Variants in MGAT4A observed in about 807,000 individuals in gnomAD.
The protein encoded by MGAT4A is N-acetylglucosaminyltransferase IVa.
A neutral mutation model predicts 74.1 loss-of-function variants in MGAT4A; 33 were observed. The ratio of observed to expected loss-of-function variants is 0.45; its 90% CI spans 0.34 to 0.60. MGAT4A has a LOEUF of 0.60. Ranked by LOEUF, MGAT4A falls within the 20% of genes least tolerant of loss-of-function variation. The pLI, the probability that MGAT4A is intolerant of heterozygous loss-of-function variation, is 0.02. For missense variants in MGAT4A, 479 were observed against 628.3 expected (o/e 0.76, Z 2.54); for synonymous variants, 198 against 210.4 (o/e 0.94, Z 0.51).
intron 4 of MGAT4A, among the ~76,000 whole-genome samples, chr2:98,670,402 C>T (rs533919477): frequency 6.6e-6 from 1 of 152,234 alleles, no homozygotes; most frequent in East Asian, 1.9e-4. Flanking sequence ...AGGCCCCTAC[C>T]TCATGGTATT....
Position 98,638,507 on chromosome 2 carries a change from T to C in MGAT4A, c.1322+1301A>G, listed in dbSNP as rs1701356781. Among the ~76,000 whole-genome samples the C allele has an allele frequency of 2.6e-5, 4 of 152,396 alleles. No individual in the cohort carries two copies. In the South Asian group the frequency reaches 8.3e-4, roughly 32 times the overall value. On this transcript the variant is annotated intron_variant, in intron 12 of 15. Coordinates refer to ENST00000393487, the MANE Select transcript of MGAT4A (RefSeq NM_012214.3). ...ATTCCACTGCGTGGCAATATCATTTTATTTAACCAAACACATACTAATGGA... is the reference window on the plus strand; with the variant it reads ...ATTCCACTGCGTGGCAATATCATTTCATTTAACCAAACACATACTAATGGA...
At chr2:98,640,319 GA>G in intron 10 of MGAT4A, 91 bp from the exon 11 acceptor site, 1 of 1,101,922 alleles carries the variant, frequency 9.1e-7, no homozygotes, top group Non-Finnish European at 1.3e-6. Context: ...TTAAAATATT[GA>G]AAAGAAGGGC....
intron 14 of MGAT4A, among the ~76,000 whole-genome samples, chr2:98,633,629 T>G (rs1275237957): frequency 7.9e-5 from 12 of 152,240 alleles, no homozygotes; most frequent in Non-Finnish European, 2.9e-5. Flanking sequence ...AGTTCTGTTC[T>G]GTTTGATTAC....
chr2:98,625,467 A>C lies in MGAT4A; in HGVS notation c.*99T>G, dbSNP rs1701130088. The C allele has an allele frequency of 6.4e-7, 1 of 1,556,182 alleles. No homozygotes were observed. The highest frequency in any genetic ancestry group is 2.2e-5 in the Admixed American group (1 of 45,796). On this transcript the variant is annotated 3_prime_UTR_variant, in exon 16 of 16. Transcript: ENST00000393487. ...AATCGTCTTATCTACAGTAGACTTC[A>C]CAAGAGGTAGTGTTCAAGTAGAAAT...
chr2:98,662,175 T>C (rs1701761884), intron 5 of MGAT4A, among the ~76,000 whole-genome samples: 1 of 152,218 alleles, frequency 6.6e-6, no homozygotes, highest in African/African-American at 2.4e-5. Context: ...GTTAATTTCC[T>C]GGTTTTGATA....
rs532418149 is a variant in MGAT4A at position 98,731,044 on chromosome 2, T to C, written c.-236+4A>G. 2.9e-5 allele frequency: 1 copy of C among 34,694 alleles called. No individual in the cohort carries two copies. The highest frequency in any genetic ancestry group is 5.5e-5 in the Non-Finnish European group (1 of 18,074). 2.1% of individuals were successfully genotyped at this position (34,694 alleles called of 1,614,324 possible). ...CGCCGCCGCTGCCGCCGCGAGCCCC[T>C]CACCCGCCGCTGGCGTCGCCGTGCT... is the stretch of plus-strand genomic sequence containing the variant. On this transcript the variant is annotated splice_donor_region_variant and intron_variant, in intron 1 of 15. Transcript: ENST00000393487. This position sits in a 1 kb window ranked among gnomAD's most constrained non-coding sequence, Gnocchi z 4.8.
chr2:98,690,314 G>A (rs1702178249), intron 2 of MGAT4A, among the ~76,000 whole-genome samples: 1 of 152,182 alleles, frequency 6.6e-6, no homozygotes, highest in African/African-American at 2.4e-5. Flanking sequence ...AGGTGTGAGT[G>A]GAGGCCACAG....
At chr2:98,643,342 A>C (rs1178872271) in intron 10 of MGAT4A, among the ~76,000 whole-genome samples, 1 of 152,184 alleles carries the variant, frequency 6.6e-6, no homozygotes, top group East Asian at 1.9e-4. Context: ...CTTAACAATA[A>C]GATCTCTATG....
At chr2:98,702,043 C>A (rs1406267449) in intron 2 of MGAT4A, among the ~76,000 whole-genome samples, 3 of 152,138 alleles carry the variant, frequency 2.0e-5, no homozygotes, top group Non-Finnish European at 2.9e-5. Context: ...GGTCAAGAGT[C>A]AAAAACAACC....
chr2:98,645,577 A>G (rs1701472646), intron 8 of MGAT4A, 35 bp from the exon 9 acceptor site: 2 of 1,407,304 alleles, frequency 1.4e-6, no homozygotes, highest in African/African-American at 1.5e-5. Context: ...TAATACATCA[A>G]AAAAAGAAAG....
intron 9 of MGAT4A, among the ~76,000 whole-genome samples, chr2:98,644,625 C>T (rs2104241930): frequency 6.6e-6 from 1 of 151,960 alleles, no homozygotes. Flanking sequence ...AATTCTTCAA[C>T]TTTAAACATA....
At position 98,622,410 on chromosome 2, in the gene MGAT4A, C is replaced by T. The variant is rs1275047903; in HGVS notation, c.*3156G>A. On this transcript the variant is annotated 3_prime_UTR_variant, in exon 16 of 16. Coordinates refer to ENST00000393487, the MANE Select transcript of MGAT4A (RefSeq NM_012214.3). ...TAAAAAAATGTTTTTATTTAAACAG[C>T]CCCCATGTGTCTACTGGCTATATGT... 3.1e-5 allele frequency: 31 copies of T among 985,288 alleles called. No individual in the cohort carries two copies. Among genetic ancestry groups the T allele is most frequent in the Non-Finnish European group, 3.5e-5 (29 of 829,942 alleles). The allele number at this position is 985,288 out of a possible 1,614,324, so 61.0% of individuals were successfully genotyped here.
intron 2 of MGAT4A, among the ~76,000 whole-genome samples, chr2:98,700,907 A>AG (rs1702347717): frequency 2.0e-5 from 3 of 151,878 alleles, no homozygotes; most frequent in Admixed American, 2.0e-4. Context: ...AAAAAAAAAA[A>AG]CAATCTATTA....
At chr2:98,685,238 TA>T (rs79947111) in intron 2 of MGAT4A, among the ~76,000 whole-genome samples, 44,622 of 133,438 alleles carry the variant, frequency 0.33, 7,213 homozygotes, top group African/African-American at 0.36. Context: ...CCCTGTCTCT[TA>T]AAAAAAAAAA....
chr2:98,621,480 T>G lies in MGAT4A; in HGVS notation c.*4086A>C. Reference sequence around the variant, plus strand: ...TCCTTCTGCTTTGTCTCTTGACTTCTGCCACCAGCCCGAGAAAACTCTCTG... The same window carrying G: ...TCCTTCTGCTTTGTCTCTTGACTTCGGCCACCAGCCCGAGAAAACTCTCTG... On this transcript the variant is annotated 3_prime_UTR_variant, in exon 16 of 16. Coordinates refer to ENST00000393487, the MANE Select transcript of MGAT4A (RefSeq NM_012214.3). 6.4e-7 allele frequency: 1 copy of G among 1,551,726 alleles called. No individual in the cohort carries two copies. Among genetic ancestry groups the G allele is most frequent in the Non-Finnish European group, 8.7e-7 (1 of 1,146,998 alleles).
At chr2:98,688,602 G>A (rs1017230348) in intron 2 of MGAT4A, among the ~76,000 whole-genome samples, 3 of 152,214 alleles carry the variant, frequency 2.0e-5, no homozygotes, top group African/African-American at 4.8e-5. Context: ...AAGCCCATGT[G>A]ACAAAGAGCT....
intron 2 of MGAT4A, chr2:98,694,117 G>C (rs758570702): frequency 6.5e-6 from 1 of 153,540 alleles, no homozygotes; most frequent in Non-Finnish European, 1.5e-5. Flanking sequence ...TGAAGGCAGA[G>C]CTGGCCCAGC....
At chr2:98,664,681 A>T (rs1207966105) in intron 4 of MGAT4A, among the ~76,000 whole-genome samples, 1 of 152,230 alleles carries the variant, frequency 6.6e-6, no homozygotes, top group African/African-American at 2.4e-5. Flanking sequence ...GGGCTTTTTC[A>T]AGATGGAATG....
intron 3 of MGAT4A, among the ~76,000 whole-genome samples, chr2:98,676,704 A>G (rs1701980624): frequency 6.6e-6 from 1 of 152,236 alleles, no homozygotes; most frequent in South Asian, 2.1e-4. Flanking sequence ...GCACATTCAC[A>G]GCCACTAAAA....
Sources: gnomAD v4.1 joint callset for allele counts (sites outside exome capture counted in the v4.1 genomes callset) on GRCh38, gnomAD v4.1.1 for gene constraint, Gnocchi (gnomAD v3.1) non-coding constraint, MANE v1.5 for transcripts, NCBI Gene and HGNC (gene_info 2026-07-23, HGNC 2026-07-21) for gene names.